The following STK10 variants were observed in gnomAD, a reference collection of about 807,000 sequenced individuals.
STK10 encodes serine/threonine-protein kinase 10.
STK10 carries 78 observed loss-of-function variants against 113.8 expected under a neutral mutation model. The observed-to-expected ratio is 0.69, with a 90% CI of 0.57 to 0.83. STK10 has a LOEUF of 0.83. STK10 is among the 40% of genes least tolerant of loss of function. STK10 has a pLI of 0.00. For missense variants in STK10, 1,109 were observed against 1,280.1 expected, an observed-to-expected ratio of 0.87 and a Z score of 2.04; for synonymous variants, 465 against 494.7, an observed-to-expected ratio of 0.94 and a Z score of 0.80.
chr5:172,174,116 C>T (rs1368518206), intron 1 of STK10, among the ~76,000 whole-genome samples: 1 of 138,690 alleles, frequency 7.2e-6, no homozygotes, highest in South Asian at 2.2e-4. Flanking sequence ...AAGCGAGGCC[C>T]GGCATTCACT....
rs796814933 is a variant in STK10, at chr5:172,167,093, GAGGT to G, written c.157-10309_157-10306del. ...AAGAATCACTTGAACCTGGGAGGCA[GAGGT>G]TGTGGTGAGCTGAGATCGTGCCACT... On this transcript the variant is annotated intron_variant, in intron 1 of 18. Transcript: ENST00000176763. Among the ~76,000 whole-genome samples the G allele has an allele frequency of 7.9e-5, 12 of 151,878 alleles. No homozygotes were observed. The South Asian group carries it at 2.5e-3, about 31-fold the overall frequency.
intron 7 of STK10, among the ~76,000 whole-genome samples, chr5:172,098,997 CATT>C (rs1346285959): frequency 6.1e-5 from 9 of 148,692 alleles, no homozygotes; most frequent in South Asian, 2.1e-4. Context: ...TCACCACCAT[CATT>C]ACCATTACCA....
In STK10 at chr5:172,055,655, A is replaced by G. The variant is rs1767733571; in HGVS notation, c.2459T>C (p.Met820Thr). ...GTTGATGTGGAGGCTCTTCTTGTAC[A>G]TGGCCATGCGCGTCTTGCCCTCACT... is the stretch of plus-strand genomic sequence containing the variant. ...QRSEGKTRMAMYKKSLHINGG... is the reference protein window; with the variant it reads ...QRSEGKTRMATYKKSLHINGG... The change falls in exon 16 of 19, where the codon ATG becomes ACG. Residue 820 changes from methionine (M) to threonine (T), a missense_variant. Met to Thr is a moderately conservative substitution (Grantham distance 81, BLOSUM62 -1). Around this residue, in one of 5 missense-constraint regions of STK10, gnomAD observed 885 missense variants for 991.1 expected, o/e 0.89. Coordinates refer to ENST00000176763, the MANE Select transcript of STK10 (RefSeq NM_005990.4). The G allele has an allele frequency of 6.3e-7, 1 of 1,579,670 alleles. No individual in the cohort carries two copies. Among genetic ancestry groups the G allele is most frequent in the East Asian group, 2.3e-5 (1 of 42,948 alleles).
chr5:172,134,854 G>A (rs1214792541), intron 2 of STK10, among the ~76,000 whole-genome samples: 1 of 151,558 alleles, frequency 6.6e-6, no homozygotes, highest in Non-Finnish European at 1.5e-5. Flanking sequence ...AGCTTGGGAG[G>A]TCGAGAATGC....
intron 3 of STK10, among the ~76,000 whole-genome samples, chr5:172,125,578 T>C (rs1769602429): frequency 6.6e-6 from 1 of 152,160 alleles, no homozygotes; most frequent in South Asian, 2.1e-4. Flanking sequence ...AGAGATGGGT[T>C]TTTGCCATGT....
intron 7 of STK10, among the ~76,000 whole-genome samples, chr5:172,102,438 C>T (rs1484454006): frequency 6.6e-6 from 1 of 152,112 alleles, no homozygotes; most frequent in Non-Finnish European, 1.5e-5. Flanking sequence ...ACTGGACCTC[C>T]GGGGAGTCAA....
intron 2 of STK10, among the ~76,000 whole-genome samples, chr5:172,132,849 G>GC (rs1172417033): frequency 4.6e-5 from 7 of 152,264 alleles, no homozygotes; most frequent in African/African-American, 1.7e-4. Context: ...ACAGGTCCCT[G>GC]CCCCAAAATC....
chr5:172,165,982 G>A (rs989878869), intron 1 of STK10, among the ~76,000 whole-genome samples: 1 of 152,092 alleles, frequency 6.6e-6, no homozygotes, highest in Non-Finnish European at 1.5e-5. Flanking sequence ...TAGTGGCGAC[G>A]GGGTTTCTCC....
At chr5:172,156,986 T>G (rs1195536998) in intron 1 of STK10, among the ~76,000 whole-genome samples, 198 bp from the exon 2 acceptor site, 1 of 151,992 alleles carries the variant, frequency 6.6e-6, no homozygotes, top group Non-Finnish European at 1.5e-5. Flanking sequence ...CCTACAACAC[T>G]ATGGAATAAA....
chr5:172,083,925 G>GAAA (rs58326550), intron 10 of STK10, among the ~76,000 whole-genome samples: 38 of 85,780 alleles, frequency 4.4e-4, no homozygotes, highest in South Asian at 8.9e-4. Flanking sequence ...ACAAAAAAAA[G>GAAA]AAAAAAAAAA....
chr5:172,146,135 C>T (rs1327659265), intron 2 of STK10, among the ~76,000 whole-genome samples: 2 of 152,230 alleles, frequency 1.3e-5, no homozygotes, highest in African/African-American at 4.8e-5. Flanking sequence ...CTCCTCCCTG[C>T]CCCCTGTAGA....
rs943994004 is a variant in STK10, at chr5:172,168,340, G to A, written c.157-11552C>T. On this transcript the variant is annotated intron_variant, in intron 1 of 18. Coordinates refer to ENST00000176763, the MANE Select transcript of STK10 (RefSeq NM_005990.4). ...AAAATCTGGCCCCAGAGAAAACCAC[G>A]GTCACAGCAGAACTGACTATGTGCA... Among the ~76,000 whole-genome samples, 15 of 152,306 alleles carry A rather than the reference G, an allele frequency of 9.8e-5. 2 individuals carry two copies. Among genetic ancestry groups the A allele is most frequent in the African/African-American group, 9.6e-5 (4 of 41,562 alleles).
intron 1 of STK10, among the ~76,000 whole-genome samples, chr5:172,181,406 G>A (rs1056149328): frequency 2.6e-5 from 4 of 152,062 alleles, no homozygotes; most frequent in East Asian, 1.9e-4. Context: ...TGATTTTTAC[G>A]AAGGGATAAT....
intron 2 of STK10, among the ~76,000 whole-genome samples, chr5:172,135,103 G>A (rs745724188): frequency 6.6e-6 from 1 of 152,174 alleles, no homozygotes; most frequent in Non-Finnish European, 1.5e-5. Flanking sequence ...CAAAGAAGAT[G>A]TACAAATGGC....
chr5:172,153,079 G>A (rs58546775), intron 2 of STK10, among the ~76,000 whole-genome samples: 297 of 152,206 alleles, frequency 2.0e-3, no homozygotes, highest in African/African-American at 6.9e-3. Context: ...CTGAGGTCGG[G>A]AGTTCAAGAC....
chr5:172,118,457 G>C (rs1165525573), intron 3 of STK10, among the ~76,000 whole-genome samples: 1 of 152,158 alleles, frequency 6.6e-6, no homozygotes, highest in Non-Finnish European at 1.5e-5. Context: ...TATAGCTGGG[G>C]GAACTGGAAG....
At chr5:172,058,034 T>A (rs546463797) in intron 14 of STK10, among the ~76,000 whole-genome samples, 1 of 152,306 alleles carries the variant, frequency 6.6e-6, no homozygotes, top group South Asian at 2.1e-4. Flanking sequence ...GCATGCGTTA[T>A]GAAGACAATG....
intron 1 of STK10, among the ~76,000 whole-genome samples, chr5:172,168,057 G>A (rs1431580928): frequency 6.6e-6 from 1 of 152,192 alleles, no homozygotes; most frequent in African/African-American, 2.4e-5. Context: ...CTGACCTGTC[G>A]GATGAAAAGC....
At chr5:172,108,084 A>G (rs1350285348) in intron 4 of STK10, 3 of 433,930 alleles carry the variant, frequency 6.9e-6, no homozygotes, top group African/African-American at 4.0e-5. Context: ...CAGGAAAGCA[A>G]TTTGGCAATA....
Sources: allele counts gnomAD v4.1 joint callset (sites outside exome capture counted in the v4.1 genomes callset), GRCh38; gene constraint gnomAD v4.1.1; regional missense constraint gnomAD v4.1.1; transcripts MANE v1.5; gene names NCBI Gene and HGNC (gene_info 2026-07-23, HGNC 2026-07-21).